Variants in GATA3 observed in about 807,000 individuals in gnomAD.
The protein encoded by GATA3 is GATA binding protein 3.
GATA3 carries 6 observed loss-of-function variants against 36.0 expected under a neutral mutation model. The observed-to-expected ratio is 0.17, with a 90% CI of 0.09 to 0.33. GATA3 has a LOEUF of 0.33. GATA3 is among the 10% of genes least tolerant of loss of function. The pLI is 1.00. For synonymous variants in GATA3, 326 were observed against 273.0 expected (o/e 1.19, Z -1.92); for missense variants, 514 against 610.1 (o/e 0.84, Z 1.66).
chr10:8,062,209 G>A lies in GATA3; in HGVS notation c.779-1784G>A, dbSNP rs145530813. 5.7e-3 allele frequency among the ~76,000 whole-genome samples: 874 copies of A among 152,268 alleles called. 6 individuals carry two copies. The highest frequency in any genetic ancestry group is 0.019 in the African/African-American group (806 of 41,538). On this transcript the variant is annotated intron_variant, in intron 3 of 5. Transcript: ENST00000379328. Reference sequence around the variant, plus strand: ...CCTTTTTCAAGAACTGAGAAGAGCCGTTGGGTACTTAGGAAGGCGCCTTTG... The same window carrying A: ...CCTTTTTCAAGAACTGAGAAGAGCCATTGGGTACTTAGGAAGGCGCCTTTG...
rs548313122 is a variant in GATA3, at chr10:8,073,724, T to A, written c.1051-15T>A. The A allele has an allele frequency of 1.0e-4, 153 of 1,536,572 alleles. No homozygotes were observed. Among genetic ancestry groups the A allele is most frequent in the East Asian group, 9.7e-4 (42 of 43,380 alleles). On this transcript the variant is annotated splice_polypyrimidine_tract_variant and intron_variant, in intron 5 of 5. Coordinates refer to ENST00000379328, the MANE Select transcript of GATA3 (RefSeq NM_001002295.2). ...AAAAAGTAAAAAAAAAAAAAAAAAA[T>A]TGATCTTTGTTTAGATTAACAGACC...
At chr10:8,073,705 T>TAAAAAAAAAAAA in intron 5 of GATA3, 34 bp from the exon 6 acceptor site, 1 of 1,408,452 alleles carries the variant, frequency 7.1e-7, no homozygotes, top group Non-Finnish European at 9.4e-7. Flanking sequence ...AGCAAAAAAG[T>TAAAAAAAAAAAA]AAAAAAAAAA....
At chr10:8,047,866 T>G (rs1832411359) in intron 1 of GATA3, among the ~76,000 whole-genome samples, 1 of 151,560 alleles carries the variant, frequency 6.6e-6, no homozygotes, top group Non-Finnish European at 1.5e-5. Context: ...AGGGTGCGCA[T>G]GCCAAACCTC....
rs1259276770 is a variant in GATA3, at chr10:8,055,838, G to A, written c.183G>A (p.Pro61=). The change falls in exon 2 of 6, where the codon CCG becomes CCA. Residue 61 remains proline (P), a synonymous_variant. Coordinates refer to ENST00000379328, the MANE Select transcript of GATA3 (RefSeq NM_001002295.2). This position sits in a 1 kb window ranked among gnomAD's most constrained non-coding sequence, Gnocchi z 5.4. ...TCGACGGTCAAGGCAACCACGTCCC[G>A]CCCTACTACGGAAACTCGGTCAGGG... The part of the protein sequence containing the change: ...FNIDGQGNHV[P]PYYGNSVRAT... The A allele has an allele frequency of 4.4e-6, 7 of 1,583,918 alleles. No homozygotes were observed. The highest frequency in any genetic ancestry group is 3.3e-4 in the Middle Eastern group (2 of 6,024).
At chr10:8,064,356 T>C (rs1832801594) in intron 4 of GATA3, among the ~76,000 whole-genome samples, 1 of 148,972 alleles carries the variant, frequency 6.7e-6, no homozygotes, top group African/African-American at 2.5e-5. Context: ...ACAGCTCTTT[T>C]CCCCTCTTTT....
chr10:8,058,960 GCCATTCTTC>G (rs1220081578), intron 3 of GATA3, 119 bp downstream of exon 3: 2 of 901,374 alleles, frequency 2.2e-6, no homozygotes, highest in African/African-American at 3.3e-5. Flanking sequence ...CTGCTGAGAT[GCCATTCTTC>G]CCATTCTTCC....
At chr10:8,069,041 G>T (rs1423906532) in intron 4 of GATA3, among the ~76,000 whole-genome samples, 1 of 152,212 alleles carries the variant, frequency 6.6e-6, no homozygotes, top group Non-Finnish European at 1.5e-5. Context: ...CTTGGGAGTT[G>T]TGTTTGAAAA....
At chr10:8,061,000 C>T (rs932777681) in intron 3 of GATA3, among the ~76,000 whole-genome samples, 1 of 151,954 alleles carries the variant, frequency 6.6e-6, no homozygotes, top group African/African-American at 2.4e-5. Flanking sequence ...CGAGAAGCCC[C>T]TCCTTTTGCA....
intron 1 of GATA3, among the ~76,000 whole-genome samples, chr10:8,046,648 AGTGTGTGT>A (rs55947422): frequency 0.013 from 1,818 of 137,844 alleles, 21 homozygotes; most frequent in African/African-American, 0.037. Context: ...AATGGCTGGC[AGTGTGTGT>A]GTGTGTGTGT....
Position 8,067,544 on chromosome 10 carries a change from T to C in GATA3, c.925-1929T>C, listed in dbSNP as rs184663167. Reference sequence around the variant, plus strand: ...AACTGTACCAGAATCCCAGGCCGGGTGCGGTGGCTCACTCCTGTAATCCCA... The same window carrying C: ...AACTGTACCAGAATCCCAGGCCGGGCGCGGTGGCTCACTCCTGTAATCCCA... On this transcript the variant is annotated intron_variant, in intron 4 of 5. Transcript: ENST00000379328. Among the ~76,000 whole-genome samples, 29 of 152,230 alleles carry C rather than the reference T, an allele frequency of 1.9e-4. No homozygotes were observed. In the East Asian group the frequency reaches 3.1e-3, roughly 16 times the overall value.
chr10:8,065,143 A>C (rs770541010), intron 4 of GATA3, among the ~76,000 whole-genome samples: 8 of 152,202 alleles, frequency 5.3e-5, no homozygotes, highest in Non-Finnish European at 8.8e-5. Flanking sequence ...TTTCTAAGGA[A>C]GGAAAAAGAA....
intron 4 of GATA3, among the ~76,000 whole-genome samples, chr10:8,067,629 T>C (rs1278022890): frequency 1.3e-5 from 2 of 152,028 alleles, no homozygotes; most frequent in Non-Finnish European, 2.9e-5. Flanking sequence ...CCATCCTGGC[T>C]AACACAGGTG....
intron 2 of GATA3, among the ~76,000 whole-genome samples, chr10:8,056,489 A>G (rs902232448): frequency 2.6e-5 from 4 of 152,024 alleles, no homozygotes; most frequent in African/African-American, 7.2e-5. Context: ...TGGTTTTTAG[A>G]CAGGTCTCTT....
chr10:8,048,715 C>T (rs1370819123), upstream of GATA3, among the ~76,000 whole-genome samples: 1 of 152,222 alleles, frequency 6.6e-6, no homozygotes, highest in Non-Finnish European at 1.5e-5. Context: ...AGGCGAGTTC[C>T]TTCTCTCCCA....
At position 8,058,353 on chromosome 10, in the gene GATA3, T is replaced by A; in HGVS notation, c.290T>A (p.Leu97Gln). The part of the protein sequence containing the change: ...PPLLHGSLPW[L>Q]DGGKALGSHH... The stretch of plus-strand genomic sequence containing the variant: ...CTGCTTCATGGATCCCTACCCTGGC[T>A]GGACGGCGGCAAAGCCCTGGGCAGC... The change falls in exon 3 of 6, where the codon CTG (leucine) becomes CAG (glutamine). Residue 97 changes from leucine to glutamine, a missense_variant. Physicochemically the swap from Leu to Gln is moderately radical, Grantham distance 113. This residue lies in a region of GATA3 where 381 missense variants were observed against 354.3 expected (regional missense o/e 1.08). Transcript: ENST00000379328. 2 of 1,613,278 alleles carry A rather than the reference T, an allele frequency of 1.2e-6. No individual in the cohort carries two copies. The highest frequency in any genetic ancestry group is 1.7e-6 in the Non-Finnish European group (2 of 1,180,008).
intron 4 of GATA3, 149 bp from the exon 5 acceptor site, chr10:8,069,324 G>A (rs1564403528): frequency 2.5e-6 from 2 of 810,962 alleles, no homozygotes; most frequent in South Asian, 1.5e-5. Context: ...TTGGGGATCT[G>A]TATTACTTTC....
intron 3 of GATA3, among the ~76,000 whole-genome samples, chr10:8,063,632 C>T (rs561686861): frequency 6.6e-6 from 1 of 152,304 alleles, no homozygotes; most frequent in South Asian, 2.1e-4. Flanking sequence ...CCTTTTGCCA[C>T]CATCCAGGGC....
upstream of GATA3, among the ~76,000 whole-genome samples, chr10:8,049,543 C>T (rs1284471782): frequency 2.0e-5 from 3 of 152,290 alleles, no homozygotes; most frequent in East Asian, 5.8e-4. Context: ...CCGGGGCGCC[C>T]TGCCGCAGCG....
In GATA3 at chr10:8,055,521, C is replaced by T. The variant is rs1399454167; in HGVS notation, c.-135C>T. ...CCTTTGCTTCCCAGCCTTCCCATCC[C>T]CCCACCGAAAGCAAATCATTCAACG... On this transcript the variant is annotated 5_prime_UTR_variant, in exon 2 of 6. Coordinates refer to ENST00000379328, the MANE Select transcript of GATA3 (RefSeq NM_001002295.2). The surrounding 1 kb of genome is among the most constrained non-coding windows in gnomAD (Gnocchi z 5.4). 2.0e-6 allele frequency: 2 copies of T among 978,100 alleles called. No homozygotes were observed. The highest frequency in any genetic ancestry group is 3.0e-6 in the Non-Finnish European group (2 of 667,828). 60.6% of individuals were successfully genotyped at this position (978,100 alleles called of 1,614,324 possible).
Sources: gnomAD v4.1 joint callset for allele counts (sites outside exome capture counted in the v4.1 genomes callset) on GRCh38, gnomAD v4.1.1 for gene constraint, gnomAD v4.1.1 regional missense constraint, Gnocchi (gnomAD v3.1) non-coding constraint, MANE v1.5 for transcripts, NCBI Gene and HGNC (gene_info 2026-07-23, HGNC 2026-07-21) for gene names.